KERA: variants seen among roughly 807,000 people sequenced by gnomAD.
KERA encodes keratan sulfate proteoglycan keratocan.
A neutral mutation model predicts 26.4 loss-of-function variants in KERA; 25 were observed. That is an observed-to-expected ratio of 0.95 (90% confidence interval 0.69 to 1.32). The LOEUF (loss-of-function observed/expected upper bound fraction) is 1.32, where lower values mean the gene tolerates loss of function less well. Among genes scored for constraint, KERA ranks in the 40% most tolerant of loss-of-function variants. KERA has a pLI of 0.00. For missense variants in KERA, 434 were observed against 408.9 expected, an observed-to-expected ratio of 1.06 and a Z score of -0.53; for synonymous variants, 167 against 146.1, an observed-to-expected ratio of 1.14 and a Z score of -1.03.
Position 91,056,255 on chromosome 12 carries a change from C to T in KERA, c.27G>A (p.Met9Ile). The T allele has an allele frequency of 6.2e-7, 1 of 1,609,476 alleles. No individual in the cohort carries two copies. The highest frequency in any genetic ancestry group is 8.5e-7 in the Non-Finnish European group (1 of 1,177,354). The stretch of plus-strand genomic sequence containing the variant: ...CAGTGTCTGTTATGAATAACACCCA[C>T]ATGATGAAACAGATTGTGCCTGCCA... MAGTICFI[M>I]WVLFITDTVW... The change falls in exon 2 of 3, where the codon ATG becomes ATA. Residue 9 changes from methionine to isoleucine, a missense_variant. Transcript: ENST00000266719.
rs757898662 is a variant in KERA, at chr12:91,055,740, T to C, written c.542A>G (p.Asn181Ser). 3 of 1,611,510 alleles carry C rather than the reference T, an allele frequency of 1.9e-6. No individual in the cohort carries two copies. The highest frequency in any genetic ancestry group is 2.5e-6 in the Non-Finnish European group (3 of 1,178,282). The change falls in exon 2 of 3, where the codon AAT becomes AGT. Residue 181 changes from asparagine to serine, a missense_variant. Asn to Ser is a conservative substitution (Grantham distance 46). Coordinates refer to ENST00000266719, the MANE Select transcript of KERA (RefSeq NM_007035.4). ...TTTAAAAGTGTCTCTTTGAAAGGCA[T>C]TGTCCACTAATTTGTTGTTCTGTAG... ...LDLQNNKLVDNAFQRDTFKGL... is the reference protein window; with the variant it reads ...LDLQNNKLVDSAFQRDTFKGL...
chr12:91,051,600 G>T, intron 2 of KERA, 82 bp from the exon 3 acceptor site: 1 of 965,876 alleles, frequency 1.0e-6, no homozygotes, highest in Non-Finnish European at 1.7e-6. Flanking sequence ...TAATGCCATG[G>T]TCCTATGGAG....
chr12:91,051,237 G>T lies in KERA; in HGVS notation c.*109C>A. On this transcript the variant is annotated 3_prime_UTR_variant, in exon 3 of 3. Transcript: ENST00000266719. ...AATACACTGCACAAATGAAAATGGT[G>T]GCCGAGAGCAATGGGGAATATGACT... 1.1e-6 allele frequency: 1 copy of T among 888,848 alleles called. No homozygotes were observed. The highest frequency in any genetic ancestry group is 1.8e-6 in the Non-Finnish European group (1 of 546,778). The allele number at this position is 888,848 out of a possible 1,614,324, so 55.1% of individuals were successfully genotyped here.
At position 91,051,402 on chromosome 12, in the gene KERA, GTGGTT is replaced by G. The variant is rs772619589; in HGVS notation, c.998_1002del (p.Lys333ThrfsTer30). On this transcript the variant is annotated frameshift_variant, in exon 3 of 3. Transcript: ENST00000266719. LOFTEE classifies it high-confidence loss of function. ...CAGGTCATTAAAGCCATTGGAATTGGTGGTTTGATTTCATTTCCATCCAGACGGAG... is the reference window on the plus strand; with the variant it reads ...CAGGTCATTAAAGCCATTGGAATTGGTGATTTCATTTCCATCCAGACGGAG... The G allele has an allele frequency of 6.2e-7, 1 of 1,611,396 alleles. No homozygotes were observed. Among genetic ancestry groups the G allele is most frequent in the South Asian group, 1.1e-5 (1 of 91,044 alleles).
At position 91,051,369 on chromosome 12, in the gene KERA, G is replaced by A; in HGVS notation, c.1036C>T (p.Leu346Phe). 1 of 1,611,074 alleles carries A rather than the reference G, an allele frequency of 6.2e-7. No homozygotes were observed. Among genetic ancestry groups the A allele is most frequent in the South Asian group, 1.1e-5 (1 of 91,048 alleles). The change falls in exon 3 of 3, where the codon CTT becomes TTT. Residue 346 changes from leucine to phenylalanine, a missense_variant. Leu to Phe is a conservative substitution (Grantham distance 22, BLOSUM62 0). Coordinates refer to ENST00000266719, the MANE Select transcript of KERA (RefSeq NM_007035.4). ...IPMALMTCFR[L>F]LQAVII ...GTTTAAATAATGACAGCCTGCAGAA[G>A]TCTGAAGCAGGTCATTAAAGCCATT...
Position 91,051,342 on chromosome 12 carries a change from G to A in KERA, c.*4C>T, listed in dbSNP as rs753402248. ...AACTAATTTTAGATTTGGTGAGAAT[G>A]TGTTTAAATAATGACAGCCTGCAGA... On this transcript the variant is annotated 3_prime_UTR_variant, in exon 3 of 3. Transcript: ENST00000266719. 3 of 1,608,492 alleles carry A rather than the reference G, an allele frequency of 1.9e-6. No homozygotes were observed. The highest frequency in any genetic ancestry group is 2.2e-5 in the East Asian group (1 of 44,756).
chr12:91,056,975 CTT>C (rs1190281593), intron 1 of KERA, among the ~76,000 whole-genome samples: 1,452 of 125,504 alleles, frequency 0.012, 26 homozygotes, highest in African/African-American at 0.051. Flanking sequence ...CTCTCTCTCC[CTT>C]TCTCTCTCTC....
At chr12:91,054,565 C>A (rs1472925548) in intron 2 of KERA, among the ~76,000 whole-genome samples, 5 of 150,774 alleles carry the variant, frequency 3.3e-5, no homozygotes, top group East Asian at 3.9e-4. Flanking sequence ...TCTAATGTGT[C>A]CAACATCTGC....
In KERA at chr12:91,052,082, A is replaced by C. The variant is rs117065477; in HGVS notation, c.887-564T>G. Among the ~76,000 whole-genome samples, 1,120 of 151,772 alleles carry C rather than the reference A, an allele frequency of 7.4e-3. 7 individuals carry two copies. The highest frequency in any genetic ancestry group is 0.023 in the South Asian group (110 of 4,826). ...ACAATTAACATAACTTTACATAAGCAATACAGAAAACAATCTTGAATCTTC... is the reference window on the plus strand; with the variant it reads ...ACAATTAACATAACTTTACATAAGCCATACAGAAAACAATCTTGAATCTTC... On this transcript the variant is annotated intron_variant, in intron 2 of 2. Coordinates refer to ENST00000266719, the MANE Select transcript of KERA (RefSeq NM_007035.4).
chr12:91,054,703 TC>T (rs1361295066), intron 2 of KERA, among the ~76,000 whole-genome samples: 2 of 151,278 alleles, frequency 1.3e-5, no homozygotes, highest in African/African-American at 4.8e-5. Flanking sequence ...TGCCTGTAAG[TC>T]CCAAGGAGTT....
At chr12:91,056,876 A>G (rs11105957) in intron 1 of KERA, among the ~76,000 whole-genome samples, 48,055 of 150,856 alleles carry the variant, frequency 0.32, 10,560 homozygotes, top group African/African-American at 0.63. Context: ...CAACCTCTCA[A>G]GTAAGTTTTT....
intron 2 of KERA, among the ~76,000 whole-genome samples, chr12:91,054,785 T>A (rs896869660): frequency 2.0e-5 from 3 of 151,284 alleles, no homozygotes; most frequent in African/African-American, 7.3e-5. Flanking sequence ...GTTCTCAATG[T>A]GTAGTTCCCA....
intron 2 of KERA, among the ~76,000 whole-genome samples, chr12:91,053,524 G>A (rs1022991921): frequency 4.0e-5 from 6 of 151,118 alleles, no homozygotes; most frequent in African/African-American, 1.5e-4. Context: ...TTCTCAAATC[G>A]TGAGCCAGCA....
chr12:91,057,234 G>T (rs577168479), intron 1 of KERA, among the ~76,000 whole-genome samples: 1 of 149,882 alleles, frequency 6.7e-6, no homozygotes, highest in Admixed American at 6.7e-5. Flanking sequence ...GTAGGTTAGC[G>T]TTTACTAATA....
At chr12:91,054,187 CA>C (rs955700585) in intron 2 of KERA, among the ~76,000 whole-genome samples, 3 of 151,172 alleles carry the variant, frequency 2.0e-5, no homozygotes, top group East Asian at 2.0e-4. Context: ...CTCCCCCCAC[CA>C]AAAAAACAAA....
chr12:91,052,669 A>G (rs966657492), intron 2 of KERA, among the ~76,000 whole-genome samples: 1 of 151,496 alleles, frequency 6.6e-6, no homozygotes, highest in Non-Finnish European at 1.5e-5. Context: ...ATTATTCTAC[A>G]TACCTGGGCA....
At chr12:91,053,869 T>C (rs910460750) in intron 2 of KERA, among the ~76,000 whole-genome samples, 3 of 151,554 alleles carry the variant, frequency 2.0e-5, no homozygotes, top group East Asian at 1.9e-4. Flanking sequence ...GCAAGGGCTC[T>C]ATGTGGAGTC....
chr12:91,055,608 A>T lies in KERA; in HGVS notation c.674T>A (p.Ile225Asn). 1 of 1,611,122 alleles carries T rather than the reference A, an allele frequency of 6.2e-7. No homozygotes were observed. Among genetic ancestry groups the T allele is most frequent in the Admixed American group, 1.7e-5 (1 of 59,726 alleles). Residue 225 changes from isoleucine (I) to asparagine (N), a missense_variant, in exon 2 of 3, where the codon ATT becomes AAT. Ile to Asn is a moderately radical substitution (Grantham distance 149). Coordinates refer to ENST00000266719, the MANE Select transcript of KERA (RefSeq NM_007035.4). ...AAAATAATTTTCTGGTATTCCTTCA[A>T]TGGAATTGTTGTCTAAAAACAACTG... ...TMQLFLDNNSIEGIPENYFNV... is the reference protein window; with the variant it reads ...TMQLFLDNNSNEGIPENYFNV...
rs992432633 is a variant in KERA, at chr12:91,050,721, A to G, written c.*625T>C. On this transcript the variant is annotated 3_prime_UTR_variant, in exon 3 of 3. Coordinates refer to ENST00000266719, the MANE Select transcript of KERA (RefSeq NM_007035.4). ...TATAAGAATGCAGTGGACTATATCTAAAAACAACAGCTACAAGAAATGGTA... is the reference window on the plus strand; with the variant it reads ...TATAAGAATGCAGTGGACTATATCTGAAAACAACAGCTACAAGAAATGGTA... The G allele has an allele frequency of 2.0e-5, 3 of 152,310 alleles. No homozygotes were observed. Among genetic ancestry groups the G allele is most frequent in the African/African-American group, 7.3e-5 (3 of 41,376 alleles). The allele number at this position is 152,310 out of a possible 1,614,324, so 9.4% of individuals were successfully genotyped here. A position where few individuals can be genotyped will look rare whatever the true frequency, so the allele number is the denominator to read the frequency against.
Sources: gnomAD v4.1 joint callset for allele counts (sites outside exome capture counted in the v4.1 genomes callset) on GRCh38, gnomAD v4.1.1 for gene constraint, MANE v1.5 for transcripts, NCBI Gene and HGNC (gene_info 2026-07-23, HGNC 2026-07-21) for gene names.